The following MYO10 variants were observed in gnomAD, a reference collection of about 807,000 sequenced individuals.
The protein encoded by MYO10 is unconventional myosin-X.
In MYO10, 133 loss-of-function variants were observed where a neutral mutation model predicts 257.3. The ratio of observed to expected loss-of-function variants is 0.52; its 90% CI spans 0.45 to 0.60. The LOEUF is 0.60. MYO10 is among the 20% of genes least tolerant of loss of function. MYO10 has a pLI of 0.00. For synonymous variants in MYO10, 1,104 were observed against 1,028.6 expected, an observed-to-expected ratio of 1.07 and a Z score of -1.40; for missense variants, 2,399 against 2,635.7, an observed-to-expected ratio of 0.91 and a Z score of 1.97.
At chr5:16,710,859 C>G in intron 21 of MYO10, 49 bp downstream of exon 21, 1 of 1,500,864 alleles carries the variant, frequency 6.7e-7, no homozygotes, top group South Asian at 1.2e-5. Flanking sequence ...AGCATCACCC[C>G]GAGATCTGTC....
In MYO10 at chr5:16,794,686, A is replaced by C. The variant is rs776238607; in HGVS notation, c.427T>G (p.Cys143Gly). The change falls in exon 4 of 41, where the codon TGC becomes GGC. Residue 143 changes from cysteine (C) to glycine (G), a missense_variant. By Grantham distance (159) the Cys-to-Gly change is radical. This residue lies in a region of MYO10 where 242 missense variants were observed against 249.5 expected (regional missense o/e 0.97). Coordinates refer to ENST00000513610, the MANE Select transcript of MYO10 (RefSeq NM_012334.3). ...TGGTTGTCGTGGCGCTTCCACAGGC[A>C]GCGGTAGCACTCGTTGGCGATGGCG... The part of the protein sequence containing the change: ...IFAIANECYR[C>G]LWKRHDNQCI... 6.2e-7 allele frequency: 1 copy of C among 1,613,356 alleles called. No individual in the cohort carries two copies. Among genetic ancestry groups the C allele is most frequent in the Admixed American group, 1.7e-5 (1 of 59,958 alleles).
intron 2 of MYO10, among the ~76,000 whole-genome samples, chr5:16,824,275 TA>T (rs138819347): frequency 0.032 from 4,896 of 152,206 alleles, 254 homozygotes; most frequent in African/African-American, 0.11. Flanking sequence ...GCTTTTCTCC[TA>T]GAGTAGAGGT....
chr5:16,866,348 C>G (rs78787695), intron 2 of MYO10, among the ~76,000 whole-genome samples: 3 of 152,162 alleles, frequency 2.0e-5, no homozygotes, highest in African/African-American at 7.2e-5. Flanking sequence ...ATACTGTCAT[C>G]AGACAGAAGA....
At chr5:16,875,740 G>A (rs1235824536) in intron 2 of MYO10, among the ~76,000 whole-genome samples, 2 of 152,184 alleles carry the variant, frequency 1.3e-5, no homozygotes, top group Non-Finnish European at 2.9e-5. Context: ...AAGAAGTTTT[G>A]ATAACCAAGT....
intron 30 of MYO10, among the ~76,000 whole-genome samples, chr5:16,683,505 G>A (rs79275483): frequency 1.1e-4 from 17 of 152,234 alleles, no homozygotes; most frequent in East Asian, 7.7e-4. Flanking sequence ...CAAGTTTATC[G>A]TTAAGTTCAG....
chr5:16,780,320 A>AT (rs34853323), intron 8 of MYO10, among the ~76,000 whole-genome samples: 107,500 of 151,724 alleles, frequency 0.71, 39,322 homozygotes, highest in Non-Finnish European at 0.81. Context: ...CAAAAAAAAA[A>AT]ATCTAAGGTT....
intron 1 of MYO10, among the ~76,000 whole-genome samples, chr5:16,899,628 C>T (rs1279134106): frequency 2.4e-5 from 3 of 123,364 alleles, no homozygotes; most frequent in East Asian, 4.6e-4. Flanking sequence ...AACTCAGTTT[C>T]AAAAAAAAAA....
chr5:16,815,478 C>A (rs751521603), intron 3 of MYO10: 1 of 696,474 alleles, frequency 1.4e-6, no homozygotes, highest in East Asian at 2.7e-5. Context: ...AAGAGACATA[C>A]ACCAATAAAA....
rs957971622 is a variant in MYO10, at chr5:16,736,145, T to C, written c.1929+18683A>G. Among the ~76,000 whole-genome samples the C allele has an allele frequency of 1.8e-4, 28 of 152,298 alleles. 1 individual carries two copies. Among genetic ancestry groups the C allele is most frequent in the Admixed American group, 1.7e-3 (26 of 15,298 alleles). ...GTCTTTGAATATTCCCAACCTGCCT[T>C]CTCTATCATCTAACTACTTTGTAGC... is the stretch of plus-strand genomic sequence containing the variant. On this transcript the variant is annotated intron_variant, in intron 19 of 40. Transcript: ENST00000513610.
At position 16,740,615 on chromosome 5, in the gene MYO10, G is replaced by T. The variant is rs77440138; in HGVS notation, c.1929+14213C>A. Among the ~76,000 whole-genome samples, 833 of 152,182 alleles carry T rather than the reference G, an allele frequency of 5.5e-3. 3 individuals carry two copies. Among genetic ancestry groups the T allele is most frequent in the African/African-American group, 0.019 (804 of 41,520 alleles). On this transcript the variant is annotated intron_variant, in intron 19 of 40. Coordinates refer to ENST00000513610, the MANE Select transcript of MYO10 (RefSeq NM_012334.3). ...GCCTCTCTAATTGCACCACCTTCCC[G>T]TACATATCCTTCAGCCACCGAGGCA... is the stretch of plus-strand genomic sequence containing the variant.
chr5:16,758,161 C>T lies in MYO10; in HGVS notation c.1805G>A (p.Cys602Tyr). 6.2e-7 allele frequency: 1 copy of T among 1,613,816 alleles called. No individual in the cohort carries two copies. The highest frequency in any genetic ancestry group is 8.5e-7 in the Non-Finnish European group (1 of 1,179,714). ...TGTAGGCCGCCGATGTTTGCTTCCA[C>T]ATTTCAAGGTATCCTGGTTGTTGCG... ...SSRNNQDTLKCGSKHRRPTVS... is the reference protein window; with the variant it reads ...SSRNNQDTLKYGSKHRRPTVS... Residue 602 changes from cysteine (C) to tyrosine (Y), a missense_variant, in exon 18 of 41, where the codon TGT (cysteine) becomes TAT (tyrosine). Cys to Tyr is a radical substitution (Grantham distance 194). Coordinates refer to ENST00000513610, the MANE Select transcript of MYO10 (RefSeq NM_012334.3).
chr5:16,869,900 C>A (rs1744401960), intron 2 of MYO10, among the ~76,000 whole-genome samples: 1 of 111,878 alleles, frequency 8.9e-6, no homozygotes, highest in Admixed American at 1.3e-4. Flanking sequence ...TTAATAAAAA[C>A]AGAAGGAGAA....
intron 9 of MYO10, among the ~76,000 whole-genome samples, chr5:16,771,708 T>C (rs1427720215): frequency 6.6e-6 from 1 of 151,466 alleles, no homozygotes; most frequent in African/African-American, 2.4e-5. Context: ...GCCTCCTGAG[T>C]AGCTGGGACA....
chr5:16,707,710 C>G (rs905263004), intron 21 of MYO10, among the ~76,000 whole-genome samples: 6 of 152,194 alleles, frequency 3.9e-5, no homozygotes, highest in Non-Finnish European at 7.4e-5. Flanking sequence ...CCACCTCAGT[C>G]ACCGTAAACG....
Position 16,681,512 on chromosome 5 carries a change from A to G in MYO10, c.4190-9T>C, listed in dbSNP as rs760810482. ...CTCTTTGTGCAACCATCCTGGAAAAAAAGATTAAAGTGTAAATTAAAATCT... is the reference window on the plus strand; with the variant it reads ...CTCTTTGTGCAACCATCCTGGAAAAGAAGATTAAAGTGTAAATTAAAATCT... On this transcript the variant is annotated splice_polypyrimidine_tract_variant and intron_variant, in intron 31 of 40. Transcript: ENST00000513610. 1.9e-6 allele frequency: 3 copies of G among 1,596,498 alleles called. No homozygotes were observed. The highest frequency in any genetic ancestry group is 2.6e-6 in the Non-Finnish European group (3 of 1,173,102).
intron 1 of MYO10, among the ~76,000 whole-genome samples, chr5:16,920,003 C>G (rs71609340): frequency 0.069 from 10,533 of 152,104 alleles, 426 homozygotes; most frequent in African/African-American, 0.11. Flanking sequence ...CCCAGCTACT[C>G]GGGAGGCTGA....
chr5:16,841,762 A>C (rs1743487257), intron 2 of MYO10, among the ~76,000 whole-genome samples: 1 of 152,172 alleles, frequency 6.6e-6, no homozygotes, highest in Non-Finnish European at 1.5e-5. Context: ...CTCTTCTCGC[A>C]AACTGTTTTT....
At chr5:16,841,810 A>C (rs1186084452) in intron 2 of MYO10, among the ~76,000 whole-genome samples, 2 of 152,130 alleles carry the variant, frequency 1.3e-5, no homozygotes, top group Non-Finnish European at 2.9e-5. Flanking sequence ...TCTAATAATA[A>C]AGCTCATGAT....
At chr5:16,671,638 C>T in intron 37 of MYO10, 96 bp from the exon 38 acceptor site, 1 of 1,453,244 alleles carries the variant, frequency 6.9e-7, no homozygotes, top group East Asian at 2.3e-5. Flanking sequence ...TCTAAGGACA[C>T]AGACATTCTG....
Sources: allele counts gnomAD v4.1 joint callset (sites outside exome capture counted in the v4.1 genomes callset), GRCh38; gene constraint gnomAD v4.1.1; regional missense constraint gnomAD v4.1.1; transcripts MANE v1.5; gene names NCBI Gene and HGNC (gene_info 2026-07-23, HGNC 2026-07-21).